The following TCF20 variants were observed in gnomAD, a reference collection of about 807,000 sequenced individuals.
The protein encoded by TCF20 is SPRE-binding protein.
Under a neutral mutation model 148.6 loss-of-function variants are expected in TCF20, and 3 were observed. That is an observed-to-expected ratio of 0.02 (90% confidence interval 0.01 to 0.05). TCF20 has a LOEUF of 0.05. TCF20 is among the 10% of genes least tolerant of loss of function. The probability of loss-of-function intolerance (pLI) is 1.00; values close to 1 mark genes in which losing one functional copy is unlikely to be tolerated. For synonymous variants in TCF20, 1,049 were observed against 909.5 expected (o/e 1.15, Z -2.76); for missense variants, 2,350 against 2,429.3 (o/e 0.97, Z 0.69).
At chr22:42,242,081 A>G (rs1272907727) in intron 1 of TCF20, among the ~76,000 whole-genome samples, 1 of 151,290 alleles carries the variant, frequency 6.6e-6, no homozygotes, top group African/African-American at 2.4e-5. Flanking sequence ...AAGTGCCTGT[A>G]AGTCCCAGCT....
intron 1 of TCF20, among the ~76,000 whole-genome samples, chr22:42,307,495 T>C (rs964582661): frequency 1.3e-5 from 2 of 152,222 alleles, no homozygotes; most frequent in Non-Finnish European, 2.9e-5. Flanking sequence ...CCTCACGGGA[T>C]GTAAATTCAG....
At chr22:42,325,368 T>G (rs73169175) in intron 1 of TCF20, among the ~76,000 whole-genome samples, 12,393 of 152,168 alleles carry the variant, frequency 0.081, 675 homozygotes, top group Non-Finnish European at 0.12. Context: ...TGGCCCCCAC[T>G]CAGCCACTCC....
intron 1 of TCF20, among the ~76,000 whole-genome samples, chr22:42,245,241 C>T (rs1319835773): frequency 6.6e-6 from 1 of 152,120 alleles, no homozygotes; most frequent in Non-Finnish European, 1.5e-5. Context: ...GCATGCACCA[C>T]TATGCCCGGC....
chr22:42,168,646 G>GCCC lies in TCF20; in HGVS notation c.*4_*6dup. On this transcript the variant is annotated 3_prime_UTR_variant, in exon 5 of 6. Coordinates refer to ENST00000677622, the MANE Select transcript of TCF20 (RefSeq NM_001378418.1). The stretch of plus-strand genomic sequence containing the variant: ...TCCTTTCCATTCCCACGAGCACACT[G>GCCC]CCCCCCTCACCCCCGCTCCGACTGC... The GCCC allele has an allele frequency of 6.3e-7, 1 of 1,598,278 alleles. No homozygotes were observed. Among genetic ancestry groups the GCCC allele is most frequent in the East Asian group, 2.3e-5 (1 of 44,314 alleles).
intron 2 of TCF20, among the ~76,000 whole-genome samples, chr22:42,186,201 T>A (rs1194876170): frequency 6.6e-6 from 1 of 152,220 alleles, no homozygotes; most frequent in Non-Finnish European, 1.5e-5. Flanking sequence ...GTTGGTCTAA[T>A]GTGCATACTG....
At chr22:42,268,966 T>C (rs5758689) in intron 1 of TCF20, among the ~76,000 whole-genome samples, 1 of 151,986 alleles carries the variant, frequency 6.6e-6, no homozygotes, top group Admixed American at 6.5e-5. Context: ...AAATGAGAGA[T>C]AAAAAAGCAA....
chr22:42,262,679 G>A (rs1343014085), intron 1 of TCF20, among the ~76,000 whole-genome samples: 3 of 151,930 alleles, frequency 2.0e-5, no homozygotes, highest in Admixed American at 6.6e-5. Context: ...GAATGCCAAT[G>A]GTCAAGCATA....
At chr22:42,179,862 T>A (rs1398905477) in intron 2 of TCF20, among the ~76,000 whole-genome samples, 160 bp from the exon 3 acceptor site, 1 of 152,170 alleles carries the variant, frequency 6.6e-6, no homozygotes, top group East Asian at 1.9e-4. Context: ...TGCCATTCAC[T>A]GACCACACCA....
intron 1 of TCF20, among the ~76,000 whole-genome samples, chr22:42,224,242 T>C (rs1278425748): frequency 6.6e-6 from 1 of 151,774 alleles, no homozygotes. Context: ...GAGGCCGAGG[T>C]GGGCGGATAA....
At chr22:42,201,418 G>C (rs114221754) in intron 2 of TCF20, among the ~76,000 whole-genome samples, 1,896 of 152,190 alleles carry the variant, frequency 0.012, 38 homozygotes, top group African/African-American at 0.043. Context: ...CACAAACTCA[G>C]AATTCTTAAT....
rs751306497 is a variant in TCF20, at chr22:42,168,719, A to G, written c.5817T>C (p.Pro1939=). ...CGGTCTTGTTCTGCAAGGGGGGGAG[A>G]GGGCACGGAAGGGGAGGCTGACACG... ...CPKHKPPLPC[P]LPPLQNKTAK... is the part of the protein sequence containing the mutation. Residue 1939 remains proline, a synonymous_variant, in exon 5 of 6, where the codon CCT becomes CCC. Coordinates refer to ENST00000677622, the MANE Select transcript of TCF20 (RefSeq NM_001378418.1). 1 of 1,610,014 alleles carries G rather than the reference A, an allele frequency of 6.2e-7. No individual in the cohort carries two copies. The highest frequency in any genetic ancestry group is 8.5e-7 in the Non-Finnish European group (1 of 1,178,608).
intron 1 of TCF20, among the ~76,000 whole-genome samples, chr22:42,310,604 G>A (rs1180105631): frequency 6.6e-6 from 1 of 151,336 alleles, no homozygotes; most frequent in African/African-American, 2.5e-5. Flanking sequence ...TATGGCTCGT[G>A]GAAGTGGCAG....
chr22:42,296,278 A>G (rs1051503105), intron 1 of TCF20, among the ~76,000 whole-genome samples: 1 of 152,236 alleles, frequency 6.6e-6, no homozygotes, highest in Non-Finnish European at 1.5e-5. Flanking sequence ...GGCCCTGGAC[A>G]CATGGACACT....
At chr22:42,170,626 C>CAAAAAAAAAAAAAAAAAAAAAAAA (rs58579686) in intron 3 of TCF20, among the ~76,000 whole-genome samples, 1 of 72,100 alleles carries the variant, frequency 1.4e-5, no homozygotes, top group African/African-American at 6.1e-5. Flanking sequence ...GACTCCGTCT[C>CAAAAAAAAAAAAAAAAAAAAAAAA]AAAAAAAAAA....
At chr22:42,328,916 G>A (rs561643152) in intron 1 of TCF20, among the ~76,000 whole-genome samples, 16 of 152,180 alleles carry the variant, frequency 1.1e-4, no homozygotes, top group Non-Finnish European at 1.9e-4. Flanking sequence ...CTCCAGCCTC[G>A]TGCCTCCCTG....
Position 42,219,355 on chromosome 22 carries a change from C to CAAAAAAAAAAAAAAAAAAAA in TCF20, c.-36-4034_-36-4015dup, listed in dbSNP as rs528664836. Reference sequence around the variant, plus strand: ...ACCCTGGGTGACAGTAACCCTGTCTCAAAAAAAAAAAAAAAAAAAAAAAAA... The same window carrying CAAAAAAAAAAAAAAAAAAAA: ...ACCCTGGGTGACAGTAACCCTGTCTCAAAAAAAAAAAAAAAAAAAAAAAAAAAAAAAAAAAAAAAAAAAAA... On this transcript the variant is annotated intron_variant, in intron 1 of 5. Transcript: ENST00000677622. Among the ~76,000 whole-genome samples the CAAAAAAAAAAAAAAAAAAAA allele has an allele frequency of 3.7e-3, 159 of 43,544 alleles. 18 individuals are homozygous for CAAAAAAAAAAAAAAAAAAAA. Among genetic ancestry groups the CAAAAAAAAAAAAAAAAAAAA allele is most frequent in the Non-Finnish European group, 4.8e-3 (111 of 23,254 alleles). 28.6% of individuals were successfully genotyped at this position (43,544 alleles called of 152,430 possible).
At chr22:42,222,307 T>A (rs1290676926) in intron 1 of TCF20, among the ~76,000 whole-genome samples, 1 of 152,184 alleles carries the variant, frequency 6.6e-6, no homozygotes, top group Non-Finnish European at 1.5e-5. Context: ...AAACTGACCT[T>A]TCACTTTGAC....
chr22:42,175,471 G>A (rs1159678425), intron 3 of TCF20, among the ~76,000 whole-genome samples: 1 of 152,106 alleles, frequency 6.6e-6, no homozygotes, highest in Non-Finnish European at 1.5e-5. Flanking sequence ...CTCCCAAGTA[G>A]CTGGGACTAC....
chr22:42,273,141 C>T (rs527943823), upstream of TCF20, among the ~76,000 whole-genome samples: 5 of 151,968 alleles, frequency 3.3e-5, no homozygotes, highest in Non-Finnish European at 7.4e-5. Flanking sequence ...GGGTGTATCA[C>T]CTGAGGTCAG....
Sources: gnomAD v4.1 joint callset for allele counts (sites outside exome capture counted in the v4.1 genomes callset) on GRCh38, gnomAD v4.1.1 for gene constraint, MANE v1.5 for transcripts, NCBI Gene and HGNC (gene_info 2026-07-23, HGNC 2026-07-21) for gene names.